The following CEP112 variants were observed in gnomAD, a reference collection of about 807,000 sequenced individuals.
CEP112 encodes centrosomal protein 112, also known as centrosomal protein of 112 kDa.
CEP112 carries 127 observed loss-of-function variants against 153.0 expected under a neutral mutation model. That is an observed-to-expected ratio of 0.83 (90% confidence interval 0.72 to 0.96). The LOEUF is 0.96. Ranked by LOEUF, CEP112 falls within the 40% of genes least tolerant of loss-of-function variation. The probability of loss-of-function intolerance (pLI) is 0.00; values close to 1 mark genes in which losing one functional copy is unlikely to be tolerated. For missense variants in CEP112, 1,089 were observed against 1,101.2 expected, an observed-to-expected ratio of 0.99 and a Z score of 0.16; for synonymous variants, 358 against 374.4, an observed-to-expected ratio of 0.96 and a Z score of 0.51.
chr17:65,980,798 G>A (rs2063199954), intron 17 of CEP112, among the ~76,000 whole-genome samples: 1 of 151,904 alleles, frequency 6.6e-6, no homozygotes, highest in Non-Finnish European at 1.5e-5. Flanking sequence ...TTTTGAGGGG[G>A]ACAGAGTCTC....
At chr17:65,738,013 C>A (rs1469660914) in intron 23 of CEP112, among the ~76,000 whole-genome samples, 1 of 152,156 alleles carries the variant, frequency 6.6e-6, no homozygotes, top group Admixed American at 6.5e-5. Flanking sequence ...CGTGTTTACA[C>A]ATAGGAAGAA....
chr17:66,027,909 C>A (rs189635596), intron 15 of CEP112, among the ~76,000 whole-genome samples: 2 of 151,130 alleles, frequency 1.3e-5, no homozygotes, highest in Non-Finnish European at 2.9e-5. Flanking sequence ...ATTTTTTGAT[C>A]ACGAGAGAAA....
intron 21 of CEP112, among the ~76,000 whole-genome samples, chr17:65,784,702 A>G (rs902633347): frequency 6.6e-6 from 1 of 152,090 alleles, no homozygotes; most frequent in Non-Finnish European, 1.5e-5. Context: ...GCTGGTCTTG[A>G]ACTCCTGACC....
At chr17:66,072,056 T>C (rs1241576177) in intron 8 of CEP112, among the ~76,000 whole-genome samples, 2 of 152,222 alleles carry the variant, frequency 1.3e-5, no homozygotes, top group African/African-American at 2.4e-5. Context: ...AACTCCCACA[T>C]GCCCTTTACC....
intron 25 of CEP112, among the ~76,000 whole-genome samples, chr17:65,638,476 G>A (rs2044903090): frequency 6.6e-6 from 1 of 152,208 alleles, no homozygotes; most frequent in South Asian, 2.1e-4. Context: ...CAGAAAATGT[G>A]CTTGAAAGAG....
intron 11 of CEP112, among the ~76,000 whole-genome samples, chr17:66,054,549 C>T (rs1406393827): frequency 6.6e-6 from 1 of 152,098 alleles, no homozygotes; most frequent in Admixed American, 6.5e-5. Context: ...AAAACAAAGG[C>T]AAATACAGGA....
At chr17:66,167,272 G>C (rs1018065180) in intron 4 of CEP112, among the ~76,000 whole-genome samples, 1 of 152,022 alleles carries the variant, frequency 6.6e-6, no homozygotes, top group Non-Finnish European at 1.5e-5. Flanking sequence ...AACAAGCAAG[G>C]CCCTGATGAA....
At chr17:65,742,029 A>AGTGAAGAG (rs957713492) in intron 23 of CEP112, among the ~76,000 whole-genome samples, 1 of 151,922 alleles carries the variant, frequency 6.6e-6, no homozygotes, top group Non-Finnish European at 1.5e-5. Flanking sequence ...TCAATGGTAA[A>AGTGAAGAG]GTGAAGAGGC....
intron 20 of CEP112, among the ~76,000 whole-genome samples, chr17:65,869,170 T>C (rs557565701): frequency 5.3e-5 from 8 of 152,194 alleles, no homozygotes; most frequent in South Asian, 2.1e-4. Flanking sequence ...CTTTATCAAG[T>C]GGAAAATATT....
rs1169213106 is a variant in CEP112 at position 65,701,628 on chromosome 17, A to G, written c.2608-12410T>C. Among the ~76,000 whole-genome samples the G allele has an allele frequency of 2.0e-5, 3 of 152,256 alleles. No homozygotes were observed. In the South Asian group the frequency reaches 6.2e-4, roughly 32 times the overall value. ...TACTCATCTCCATACCCAGGATCGC[A>G]CAAATCCTCTAATCTGACATCTCCA... On this transcript the variant is annotated intron_variant, in intron 23 of 26. Coordinates refer to ENST00000535342, the MANE Select transcript of CEP112 (RefSeq NM_001199165.4).
chr17:65,851,693 A>T, intron 21 of CEP112, 111 bp downstream of exon 21: 2 of 748,684 alleles, frequency 2.7e-6, no homozygotes, highest in Non-Finnish European at 4.5e-6. Context: ...TTATACATTT[A>T]AAGAGTAATG....
intron 21 of CEP112, among the ~76,000 whole-genome samples, chr17:65,792,231 A>C (rs548246098): frequency 1.3e-5 from 2 of 152,360 alleles, no homozygotes; most frequent in Non-Finnish European, 2.9e-5. Context: ...ATGACAGCAC[A>C]GCAGCTGACA....
At chr17:65,668,252 A>G (rs1323962320) in intron 24 of CEP112, among the ~76,000 whole-genome samples, 1 of 152,142 alleles carries the variant, frequency 6.6e-6, no homozygotes, top group East Asian at 1.9e-4. Context: ...TAAGTTGGTG[A>G]CAGGGCCAAT....
At chr17:65,998,907 C>A (rs1250026447) in intron 17 of CEP112, among the ~76,000 whole-genome samples, 3 of 152,040 alleles carry the variant, frequency 2.0e-5, no homozygotes, top group Non-Finnish European at 2.9e-5. Flanking sequence ...TCTTAACCCA[C>A]ACTAAATTCA....
intron 19 of CEP112, among the ~76,000 whole-genome samples, chr17:65,918,669 T>G (rs1469454974): frequency 6.6e-6 from 1 of 152,222 alleles, no homozygotes; most frequent in Non-Finnish European, 1.5e-5. Flanking sequence ...TGTTTCCAAC[T>G]TGAATGAGGT....
chr17:65,857,906 T>A (rs1171571930), intron 20 of CEP112, among the ~76,000 whole-genome samples: 1 of 152,248 alleles, frequency 6.6e-6, no homozygotes, highest in Non-Finnish European at 1.5e-5. Context: ...TTTTGACTAC[T>A]ATTTCAATTT....
intron 21 of CEP112, among the ~76,000 whole-genome samples, chr17:65,833,436 T>G (rs1440512649): frequency 6.6e-6 from 1 of 152,164 alleles, no homozygotes; most frequent in Non-Finnish European, 1.5e-5. Context: ...GCAGACATGA[T>G]TCTATATCTA....
intron 17 of CEP112, among the ~76,000 whole-genome samples, chr17:65,968,302 C>CA (rs1326640306): frequency 6.6e-6 from 1 of 152,086 alleles, no homozygotes; most frequent in Non-Finnish European, 1.5e-5. Context: ...CCTTCAAAAA[C>CA]ATTATCCATG....
intron 4 of CEP112, among the ~76,000 whole-genome samples, chr17:66,133,826 A>G (rs2070310447): frequency 6.6e-6 from 1 of 152,246 alleles, no homozygotes; most frequent in African/African-American, 2.4e-5. Context: ...TTCAAAAGAC[A>G]ATATTAAAAC....
Sources: allele counts gnomAD v4.1 joint callset (sites outside exome capture counted in the v4.1 genomes callset), GRCh38; gene constraint gnomAD v4.1.1; transcripts MANE v1.5; gene names NCBI Gene and HGNC (gene_info 2026-07-23, HGNC 2026-07-21).